OLFM3: variants seen among roughly 807,000 people sequenced by gnomAD.
The protein encoded by OLFM3 is olfactomedin 3, also known as noelin-3.
Under a neutral mutation model 48.6 loss-of-function variants are expected in OLFM3, and 20 were observed. The observed-to-expected ratio is 0.41, with a 90% CI of 0.29 to 0.60. The LOEUF (loss-of-function observed/expected upper bound fraction) is 0.60. OLFM3 is among the 20% of genes least tolerant of loss of function. OLFM3 has a pLI of 0.28. For missense variants in OLFM3, 437 were observed against 544.3 expected (o/e 0.80, Z 1.96); for synonymous variants, 222 against 198.1 (o/e 1.12, Z -1.01).
At chr1:101,925,502 C>G (rs954157379) in intron 1 of OLFM3, among the ~76,000 whole-genome samples, 11 of 151,310 alleles carry the variant, frequency 7.3e-5, no homozygotes, top group African/African-American at 2.7e-4. Context: ...TGTCTGTAGT[C>G]TATTTTAATT....
At chr1:101,985,428 TA>T (rs1661208843) in intron 1 of OLFM3, among the ~76,000 whole-genome samples, 1 of 152,224 alleles carries the variant, frequency 6.6e-6, no homozygotes, top group Admixed American at 6.5e-5. Context: ...ACAGCAGCAG[TA>T]AATATCATTA....
chr1:101,883,889 C>T (rs1191842046), intron 1 of OLFM3, among the ~76,000 whole-genome samples: 1 of 151,698 alleles, frequency 6.6e-6, no homozygotes, highest in Non-Finnish European at 1.5e-5. Flanking sequence ...AAGGACAAGA[C>T]AGCGGGTTCC....
chr1:101,884,277 C>A (rs1657655045), intron 1 of OLFM3, among the ~76,000 whole-genome samples: 1 of 151,854 alleles, frequency 6.6e-6, no homozygotes, highest in Admixed American at 6.6e-5. Context: ...GAATCTAAAG[C>A]TGGATAATTT....
At chr1:101,991,366 AT>A (rs1235073309) in intron 1 of OLFM3, among the ~76,000 whole-genome samples, 4 of 152,062 alleles carry the variant, frequency 2.6e-5, no homozygotes, top group African/African-American at 9.7e-5. Context: ...TTTTAAGTAA[AT>A]TGATGTTTAA....
chr1:101,910,158 A>G, intron 1 of OLFM3: 4 of 984,940 alleles, frequency 4.1e-6, no homozygotes, highest in Non-Finnish European at 4.8e-6. Context: ...TTTATCGAGT[A>G]TCTATCATGT....
chr1:101,929,166 A>G (rs1659368357), intron 1 of OLFM3, among the ~76,000 whole-genome samples: 1 of 152,136 alleles, frequency 6.6e-6, no homozygotes, highest in African/African-American at 2.4e-5. Flanking sequence ...CTTCTTAACT[A>G]AGCAGATATT....
chr1:101,840,481 T>TA (rs1368443229), intron 1 of OLFM3, among the ~76,000 whole-genome samples: 1 of 151,292 alleles, frequency 6.6e-6, no homozygotes, highest in Non-Finnish European at 1.5e-5. Context: ...AGATTTTTTT[T>TA]TTTTTTTGAG....
chr1:101,901,180 A>G (rs1658375931), intron 1 of OLFM3, among the ~76,000 whole-genome samples: 1 of 152,032 alleles, frequency 6.6e-6, no homozygotes, highest in African/African-American at 2.4e-5. Context: ...AGAAGTTTAC[A>G]TTCTAAGAAG....
At chr1:101,848,353 G>A (rs1656091987) in intron 1 of OLFM3, among the ~76,000 whole-genome samples, 2 of 152,032 alleles carry the variant, frequency 1.3e-5, no homozygotes. Context: ...AAATAGTTTT[G>A]GCAGGAGAAA....
At chr1:101,852,233 GT>G (rs1428632785) in intron 1 of OLFM3, among the ~76,000 whole-genome samples, 1 of 151,920 alleles carries the variant, frequency 6.6e-6, no homozygotes, top group Non-Finnish European at 1.5e-5. Context: ...TGAAAGAATT[GT>G]TTATACTTAC....
At chr1:101,931,357 C>A (rs1659439734) in intron 1 of OLFM3, among the ~76,000 whole-genome samples, 1 of 152,174 alleles carries the variant, frequency 6.6e-6, no homozygotes, top group African/African-American at 2.4e-5. Context: ...TTTCCCATTG[C>A]TCTTGTAGAG....
At chr1:101,900,102 C>T (rs574903098) in intron 1 of OLFM3, among the ~76,000 whole-genome samples, 1 of 152,244 alleles carries the variant, frequency 6.6e-6, no homozygotes, top group Admixed American at 6.5e-5. Flanking sequence ...CTTATCATAG[C>T]CTGACATTAT....
At chr1:101,881,783 AT>A (rs199813118) in intron 1 of OLFM3, among the ~76,000 whole-genome samples, 7,333 of 145,904 alleles carry the variant, frequency 0.05, 340 homozygotes, top group East Asian at 0.21. Flanking sequence ...TTTTGAAGTG[AT>A]TTTTTTTTTT....
intron 1 of OLFM3, among the ~76,000 whole-genome samples, chr1:101,842,484 C>T (rs1160876297): frequency 6.6e-6 from 1 of 152,090 alleles, no homozygotes; most frequent in Non-Finnish European, 1.5e-5. Context: ...GAAGTCGAGG[C>T]TACAGTGAGC....
intron 1 of OLFM3, among the ~76,000 whole-genome samples, chr1:101,891,111 T>C (rs1657976949): frequency 6.6e-6 from 1 of 152,034 alleles, no homozygotes; most frequent in South Asian, 2.1e-4. Flanking sequence ...ATTATTTTGG[T>C]TGAACTAACG....
chr1:101,975,782 C>G (rs1296753337), intron 1 of OLFM3, among the ~76,000 whole-genome samples: 1 of 152,030 alleles, frequency 6.6e-6, no homozygotes, highest in Non-Finnish European at 1.5e-5. Context: ...GCCCATTGCA[C>G]AGAGGCTACT....
At chr1:101,873,322 A>G (rs1293042759) in intron 1 of OLFM3, among the ~76,000 whole-genome samples, 1 of 151,978 alleles carries the variant, frequency 6.6e-6, no homozygotes, top group Admixed American at 6.6e-5. Flanking sequence ...TTAACATTGT[A>G]TTCTTGCTGT....
intron 1 of OLFM3, chr1:101,882,696 T>C (rs1317803724): frequency 6.6e-6 from 1 of 151,712 alleles, no homozygotes; most frequent in Admixed American, 6.6e-5. Context: ...ACAATCTAGA[T>C]AGACTCTTGG....
rs10571792 is a variant in OLFM3, at chr1:101,958,835, TTATATATA to T, written c.69+37905_69+37912del. 3.7e-3 allele frequency among the ~76,000 whole-genome samples: 546 copies of T among 146,422 alleles called. 3 individuals carry two copies. The highest frequency in any genetic ancestry group is 0.026 in the South Asian group (122 of 4,666). On this transcript the variant is annotated intron_variant, in intron 1 of 5. Coordinates refer to ENST00000370103, the MANE Select transcript of OLFM3 (RefSeq NM_058170.4). ...TGTTCTTATGGTATACAAAGTGATA[TTATATATA>T]TATATATATATATATGATTAATGTA...
Sources: allele counts gnomAD v4.1 joint callset (sites outside exome capture counted in the v4.1 genomes callset), GRCh38; gene constraint gnomAD v4.1.1; transcripts MANE v1.5; gene names NCBI Gene and HGNC (gene_info 2026-07-23, HGNC 2026-07-21).